The following UNC93B1 variants were observed in gnomAD, a reference collection of about 807,000 sequenced individuals.
UNC93B1 encodes the protein unc-93B1 regulator of TLR signaling, also known as protein unc-93 homolog B1.
A neutral mutation model predicts 56.8 loss-of-function variants in UNC93B1; 33 were observed. The ratio of observed to expected loss-of-function variants is 0.58; its 90% CI spans 0.44 to 0.78. The LOEUF (loss-of-function observed/expected upper bound fraction) is 0.78, where lower values mean the gene tolerates loss of function less well. Among genes scored for constraint, UNC93B1 ranks in the 30% least tolerant of loss-of-function variants. The pLI is 0.00. For synonymous variants in UNC93B1, 334 were observed against 358.6 expected (o/e 0.93, Z 0.77); for missense variants, 673 against 819.5 (o/e 0.82, Z 2.18).
chr11:67,996,835 C>A (rs971143207), intron 7 of UNC93B1, 51 bp from the exon 8 acceptor site: 1 of 1,471,184 alleles, frequency 6.8e-7, no homozygotes, highest in Non-Finnish European at 9.1e-7. Context: ...GGCCTGGCCT[C>A]CAGGCTTCAG....
intron 7 of UNC93B1, among the ~76,000 whole-genome samples, chr11:67,997,178 G>T (rs1386451187): frequency 3.6e-5 from 5 of 139,318 alleles, no homozygotes; most frequent in Non-Finnish European, 7.7e-5. Context: ...CACACCCACA[G>T]ACTTCGGCCC....
Position 67,997,765 on chromosome 11 carries a change from G to T in UNC93B1, c.816C>A (p.Asn272Lys), listed in dbSNP as rs1242998312. Residue 272 changes from asparagine (N) to lysine (K), a missense_variant, in exon 7 of 11, where the codon AAC (asparagine) becomes AAA (lysine). This residue lies in a region of UNC93B1 where 438 missense variants were observed against 465.9 expected (regional missense o/e 0.94). Transcript: ENST00000227471. Reference protein sequence around the residue: ...TNSHGILSGFNKTVLRTLPRS... With the variant: ...TNSHGILSGFKKTVLRTLPRS... ...GCGGGAGCGTCCGCAGAACCGTCTTGTTGAAGCCGCTGAGGATCCCGTGGC... is the reference window on the plus strand; with the variant it reads ...GCGGGAGCGTCCGCAGAACCGTCTTTTTGAAGCCGCTGAGGATCCCGTGGC... 4 of 1,610,186 alleles carry T rather than the reference G, an allele frequency of 2.5e-6. No individual in the cohort carries two copies. The highest frequency in any genetic ancestry group is 3.4e-6 in the Non-Finnish European group (4 of 1,179,778).
intron 7 of UNC93B1, among the ~76,000 whole-genome samples, chr11:67,996,993 C>G (rs114589544): frequency 1.6e-4 from 25 of 152,140 alleles, no homozygotes; most frequent in African/African-American, 6.0e-4. Flanking sequence ...CAAAGCCACG[C>G]CACCACACTC....
intron 8 of UNC93B1, 84 bp downstream of exon 8, chr11:67,996,518 A>T (rs1856949899): frequency 2.1e-6 from 3 of 1,451,112 alleles, no homozygotes; most frequent in Non-Finnish European, 9.2e-7. Flanking sequence ...ATATGTAATT[A>T]AAAATTATTC....
rs758176300 is a variant in UNC93B1 at position 68,003,151 on chromosome 11, A to T, written c.263T>A (p.Leu88Gln). ...YLGLLQMQLILHYDETYREVK... is the reference protein window; with the variant it reads ...YLGLLQMQLIQHYDETYREVK... Reference sequence around the variant, plus strand: ...CTCGCGGTAGGTCTCGTCGTAGTGCAGGATCAGCTGCATCTGCAGGAGGCC... The same window carrying T: ...CTCGCGGTAGGTCTCGTCGTAGTGCTGGATCAGCTGCATCTGCAGGAGGCC... Residue 88 changes from leucine to glutamine, a missense_variant, in exon 3 of 11, where the codon CTG becomes CAG. This residue lies in a region of UNC93B1 where 438 missense variants were observed against 465.9 expected (regional missense o/e 0.94). Transcript: ENST00000227471. This position sits in a 1 kb window ranked among gnomAD's most constrained non-coding sequence, Gnocchi z 4.4. 3.1e-6 allele frequency: 5 copies of T among 1,612,840 alleles called. No individual in the cohort carries two copies. The highest frequency in any genetic ancestry group is 4.2e-6 in the Non-Finnish European group (5 of 1,179,762).
At position 68,003,135 on chromosome 11, in the gene UNC93B1, G is replaced by T; in HGVS notation, c.279C>A (p.Thr93=). 6.2e-7 allele frequency: 1 copy of T among 1,613,394 alleles called. No individual in the cohort carries two copies. Among genetic ancestry groups the T allele is most frequent in the South Asian group, 1.1e-5 (1 of 91,060 alleles). ...QMQLILHYDE[T]YREVKYGNMG... ...TGTTGCCATACTTCACCTCGCGGTA[G>T]GTCTCGTCGTAGTGCAGGATCAGCT... Residue 93 remains threonine, a synonymous_variant, in exon 3 of 11, where the codon ACC becomes ACA. Transcript: ENST00000227471. This position sits in a 1 kb window ranked among gnomAD's most constrained non-coding sequence, Gnocchi z 4.4.
Position 68,003,616 on chromosome 11 carries a change from G to A in UNC93B1, c.238+41C>T. On this transcript the variant is annotated intron_variant, in intron 2 of 10. Coordinates refer to ENST00000227471, the MANE Select transcript of UNC93B1 (RefSeq NM_030930.4). This position sits in a 1 kb window ranked among gnomAD's most constrained non-coding sequence, Gnocchi z 4.4. ...GGTTTCTGTTTCCCGGGCCGGGCTG[G>A]GAGCGGGCGGGGCGGCCCCGGGTCC... The A allele has an allele frequency of 6.7e-7, 1 of 1,496,638 alleles. No individual in the cohort carries two copies. Among genetic ancestry groups the A allele is most frequent in the South Asian group, 1.2e-5 (1 of 80,148 alleles). 92.7% of individuals were successfully genotyped at this position (1,496,638 alleles called of 1,614,324 possible).
chr11:67,997,529 C>G, intron 7 of UNC93B1, 146 bp downstream of exon 7: 1 of 1,387,388 alleles, frequency 7.2e-7, no homozygotes, highest in Non-Finnish European at 9.7e-7. Context: ...CTCCCCAACT[C>G]AGATCGCGCT....
intron 9 of UNC93B1, among the ~76,000 whole-genome samples, chr11:67,994,012 T>C (rs1410410341): frequency 5.3e-5 from 8 of 152,300 alleles, no homozygotes; most frequent in East Asian, 1.9e-4. Flanking sequence ...AGCAGGTGCC[T>C]CGGGCTGTGT....
intron 10 of UNC93B1, among the ~76,000 whole-genome samples, chr11:67,992,880 T>C (rs1416823359): frequency 1.3e-5 from 2 of 151,336 alleles, no homozygotes; most frequent in Admixed American, 1.3e-4. Flanking sequence ...TTACCCAGGC[T>C]GGTCTCGAAC....
intron 7 of UNC93B1, 125 bp downstream of exon 7, chr11:67,997,550 C>G (rs961893276): frequency 1.3e-6 from 2 of 1,494,116 alleles, no homozygotes; most frequent in East Asian, 2.3e-5. Context: ...CCCAGGCCTA[C>G]GGCCTGCCCC....
intron 6 of UNC93B1, among the ~76,000 whole-genome samples, 162 bp from the exon 7 acceptor site, chr11:67,997,961 C>T (rs1856978755): frequency 6.6e-6 from 1 of 152,184 alleles, no homozygotes; most frequent in African/African-American, 2.4e-5. Flanking sequence ...GTTTGGACCA[C>T]TGGGGCTGGG....
At position 68,003,488 on chromosome 11, in the gene UNC93B1, G is replaced by C; in HGVS notation, c.238+169C>G. On this transcript the variant is annotated intron_variant, in intron 2 of 10. Coordinates refer to ENST00000227471, the MANE Select transcript of UNC93B1 (RefSeq NM_030930.4). The surrounding 1 kb of genome is among the most constrained non-coding windows in gnomAD (Gnocchi z 4.4). ...GCTCTGGCTGGGACCCGGGGACGCTGCGCTACTTGACCCCCCAACCCCACC... is the reference window on the plus strand; with the variant it reads ...GCTCTGGCTGGGACCCGGGGACGCTCCGCTACTTGACCCCCCAACCCCACC... 1 of 1,073,940 alleles carries C rather than the reference G, an allele frequency of 9.3e-7. No homozygotes were observed. Among genetic ancestry groups the C allele is most frequent in the Non-Finnish European group, 1.3e-6 (1 of 792,974 alleles). The allele number at this position is 1,073,940 out of a possible 1,614,324, so 66.5% of individuals were successfully genotyped here.
intron 6 of UNC93B1, 43 bp from the exon 7 acceptor site, chr11:67,997,842 GCACA>G (rs764359356): frequency 6.3e-7 from 1 of 1,590,502 alleles, no homozygotes; most frequent in Non-Finnish European, 8.5e-7. Context: ...AGAGAGTAGG[GCACA>G]CAGTCAATCC....
Position 68,003,851 on chromosome 11 carries a change from C to G in UNC93B1, c.97-53G>C, listed in dbSNP as rs1857090073. ...CGCGATCGCGCCCCGAACCCGTGTCCCCCGGTGCCCGCCGCCCCCCGGCCC... is the reference window on the plus strand; with the variant it reads ...CGCGATCGCGCCCCGAACCCGTGTCGCCCGGTGCCCGCCGCCCCCCGGCCC... On this transcript the variant is annotated intron_variant, in intron 1 of 10. Transcript: ENST00000227471. The surrounding 1 kb of genome is among the most constrained non-coding windows in gnomAD (Gnocchi z 4.4). 1.5e-6 allele frequency: 2 copies of G among 1,350,804 alleles called. No homozygotes were observed. Among genetic ancestry groups the G allele is most frequent in the Admixed American group, 3.2e-5 (1 of 31,054 alleles). 83.7% of individuals were successfully genotyped at this position (1,350,804 alleles called of 1,614,324 possible).
chr11:67,991,615 G>C lies in UNC93B1; in HGVS notation c.1725C>G (p.Pro575=), dbSNP rs568350079. Residue 575 remains proline, a synonymous_variant, in exon 11 of 11, where the codon CCC becomes CCG. Transcript: ENST00000227471. ...GGCAGGGCCGGCGGCCGAGTCCAGC[G>C]GGCTCGGGGCCAGGCCTGGGCCCTG... The part of the protein sequence containing the change: ...PPAGPRPGPE[P]AGLGRRPCPY... 8.9e-3 allele frequency: 13,286 copies of C among 1,499,800 alleles called. 74 individuals carry two copies. The highest frequency in any genetic ancestry group is 0.011 in the Non-Finnish European group (12,041 of 1,133,266). The allele number at this position is 1,499,800 out of a possible 1,614,324, so 92.9% of individuals were successfully genotyped here. A position where few individuals can be genotyped will look rare whatever the true frequency, so the allele number is the denominator to read the frequency against.
At position 67,998,423 on chromosome 11, in the gene UNC93B1, C is replaced by T. The variant is rs1412333214; in HGVS notation, c.717G>A (p.Met239Ile). The T allele has an allele frequency of 6.2e-7, 1 of 1,613,972 alleles. No homozygotes were observed. ...ACAGGTAGTGGTTCAGGAAATAAAT[C>T]ATGGGCAGCTGGGCGCAGGCGAAGC... ...HLSFACAQLP[M>I]IYFLNHYLYD... Residue 239 changes from methionine to isoleucine, a missense_variant, in exon 6 of 11, where the codon ATG becomes ATA. Coordinates refer to ENST00000227471, the MANE Select transcript of UNC93B1 (RefSeq NM_030930.4).
At chr11:67,992,849 G>A (rs1447700792) in intron 10 of UNC93B1, among the ~76,000 whole-genome samples, 1 of 151,162 alleles carries the variant, frequency 6.6e-6, no homozygotes, top group Non-Finnish European at 1.5e-5. Context: ...GTTTTTAGTA[G>A]AGACAGAGTT....
In UNC93B1 at chr11:68,003,621, G is replaced by C. The variant is rs764685964; in HGVS notation, c.238+36C>G. The C allele has an allele frequency of 3.3e-6, 5 of 1,499,336 alleles. No individual in the cohort carries two copies. The highest frequency in any genetic ancestry group is 4.4e-6 in the Non-Finnish European group (5 of 1,129,716). 92.9% of individuals were successfully genotyped at this position (1,499,336 alleles called of 1,614,324 possible). A position where few individuals can be genotyped will look rare whatever the true frequency, so the allele number is the denominator to read the frequency against. On this transcript the variant is annotated intron_variant, in intron 2 of 10. Transcript: ENST00000227471. The surrounding 1 kb of genome is among the most constrained non-coding windows in gnomAD (Gnocchi z 4.4). ...CTGTTTCCCGGGCCGGGCTGGGAGC[G>C]GGCGGGGCGGCCCCGGGTCCCCGAG...
Sources: gnomAD v4.1 joint callset for allele counts (sites outside exome capture counted in the v4.1 genomes callset) on GRCh38, gnomAD v4.1.1 for gene constraint, gnomAD v4.1.1 regional missense constraint, Gnocchi (gnomAD v3.1) non-coding constraint, MANE v1.5 for transcripts, NCBI Gene and HGNC (gene_info 2026-07-23, HGNC 2026-07-21) for gene names.